NLGN1: variants seen among roughly 807,000 people sequenced by gnomAD.
NLGN1 encodes the protein neuroligin 1, also known as neuroligin-1.
A neutral mutation model predicts 65.5 loss-of-function variants in NLGN1; 12 were observed. That is an observed-to-expected ratio of 0.18 (90% confidence interval 0.12 to 0.30). NLGN1 has a LOEUF of 0.30. NLGN1 is among the 10% of genes least tolerant of loss of function. The pLI, the probability that NLGN1 is intolerant of heterozygous loss-of-function variation, is 1.00. For missense variants in NLGN1, 750 were observed against 1,007.1 expected (o/e 0.74, Z 3.46); for synonymous variants, 350 against 359.5 (o/e 0.97, Z 0.30).
intron 2 of NLGN1, among the ~76,000 whole-genome samples, chr3:173,468,472 C>T (rs1250226831): frequency 1.3e-5 from 2 of 151,984 alleles, no homozygotes; most frequent in Non-Finnish European, 2.9e-5. Flanking sequence ...TACTCTCTGG[C>T]CCATTACTAT....
intron 2 of NLGN1, among the ~76,000 whole-genome samples, chr3:173,496,085 A>G (rs964804686): frequency 6.6e-6 from 1 of 151,562 alleles, no homozygotes; most frequent in African/African-American, 2.4e-5. Context: ...GCTACCAATT[A>G]TACTTGGATT....
chr3:173,994,761 T>C (rs1036058938), intron 4 of NLGN1, among the ~76,000 whole-genome samples: 2 of 152,206 alleles, frequency 1.3e-5, no homozygotes, highest in Non-Finnish European at 2.9e-5. Flanking sequence ...ATTTTTGTTT[T>C]TAAACTTCTG....
At chr3:174,165,362 C>A (rs941873005) in intron 4 of NLGN1, among the ~76,000 whole-genome samples, 1 of 151,648 alleles carries the variant, frequency 6.6e-6, no homozygotes, top group African/African-American at 2.4e-5. Flanking sequence ...TCTTATTTTG[C>A]GGTATGTTCC....
At chr3:173,978,732 A>T (rs918658695) in intron 4 of NLGN1, among the ~76,000 whole-genome samples, 2 of 151,556 alleles carry the variant, frequency 1.3e-5, no homozygotes, top group African/African-American at 4.9e-5. Context: ...ATGGTGGCTC[A>T]TACCTGTAAT....
rs139527460 is a variant in NLGN1 at position 174,060,908 on chromosome 3, G to T, written c.647-214407G>T. ...TTTAGAATCTCTTAGCCACTTATAG[G>T]TTGGGAAATCAGGTTCTTTTCCTCT... On this transcript the variant is annotated intron_variant, in intron 4 of 6. Coordinates refer to ENST00000457714, the Ensembl canonical transcript of NLGN1. Among the ~76,000 whole-genome samples, 622 of 152,126 alleles carry T rather than the reference G, an allele frequency of 4.1e-3. 5 individuals are homozygous for T. The highest frequency in any genetic ancestry group is 0.014 in the African/African-American group (590 of 41,530).
intron 3 of NLGN1, among the ~76,000 whole-genome samples, chr3:173,731,817 G>A (rs1772906056): frequency 6.6e-6 from 1 of 151,952 alleles, no homozygotes; most frequent in Non-Finnish European, 1.5e-5. Flanking sequence ...ATGGATTTAG[G>A]TTCTTGTATT....
At chr3:174,249,374 T>C (rs1744371781) in intron 4 of NLGN1, among the ~76,000 whole-genome samples, 1 of 152,210 alleles carries the variant, frequency 6.6e-6, no homozygotes, top group Admixed American at 6.5e-5. Flanking sequence ...CTATAAGATA[T>C]GTTATGAACG....
chr3:173,614,435 C>A (rs1338102844), intron 3 of NLGN1, among the ~76,000 whole-genome samples: 1 of 152,070 alleles, frequency 6.6e-6, no homozygotes, highest in Non-Finnish European at 1.5e-5. Flanking sequence ...AGAAGAATGC[C>A]TGCAACATCC....
At position 173,879,209 on chromosome 3, in the gene NLGN1, G is replaced by A. The variant is rs143194590; in HGVS notation, c.646+71377G>A. 1.8e-4 allele frequency among the ~76,000 whole-genome samples: 28 copies of A among 151,658 alleles called. No homozygotes were observed. The East Asian group carries it at 5.2e-3, about 28-fold the overall frequency. On this transcript the variant is annotated intron_variant, in intron 4 of 6. Transcript: ENST00000457714. ...AACACACCACTACACTCCAGCCTGG[G>A]TGACAAAGTGACACTTTGTCTCAGA...
chr3:173,701,529 A>G lies in NLGN1; in HGVS notation c.493+96438A>G, dbSNP rs982664700. Among the ~76,000 whole-genome samples, 7 of 152,328 alleles carry G rather than the reference A, an allele frequency of 4.6e-5. No individual in the cohort carries two copies. In the East Asian group the frequency reaches 9.6e-4, roughly 21 times the overall value. ...CCTGCAATACTTTGATTTTAACCCA[A>G]TGAAGCTGATTTTGGACTTCTCACA... On this transcript the variant is annotated intron_variant, in intron 3 of 6. Transcript: ENST00000457714.
chr3:173,889,550 T>C (rs1424155713), intron 4 of NLGN1, among the ~76,000 whole-genome samples: 1 of 152,170 alleles, frequency 6.6e-6, no homozygotes, highest in East Asian at 1.9e-4. Context: ...AATCCCGTTG[T>C]CAAGAAGTAA....
intron 3 of NLGN1, among the ~76,000 whole-genome samples, chr3:173,742,638 A>G (rs1256516990): frequency 6.6e-6 from 1 of 152,106 alleles, no homozygotes; most frequent in Non-Finnish European, 1.5e-5. Flanking sequence ...GTTTTTGGTC[A>G]TTTAAGAAAA....
chr3:174,248,893 A>C (rs896557132), intron 4 of NLGN1, among the ~76,000 whole-genome samples: 3 of 152,246 alleles, frequency 2.0e-5, no homozygotes, highest in Non-Finnish European at 4.4e-5. Context: ...TTCATATTCG[A>C]GTTTTTTAAT....
At chr3:173,690,777 A>G (rs1288026062) in intron 3 of NLGN1, among the ~76,000 whole-genome samples, 4 of 152,204 alleles carry the variant, frequency 2.6e-5, no homozygotes, top group Admixed American at 6.5e-5. Context: ...TTAAAAAGAT[A>G]AAAAGTGCAA....
At chr3:174,203,124 GATT>G (rs1475113061) in intron 4 of NLGN1, among the ~76,000 whole-genome samples, 1 of 152,114 alleles carries the variant, frequency 6.6e-6, no homozygotes, top group East Asian at 1.9e-4. Context: ...CTCCTCCTAT[GATT>G]ATGAGAGTTC....
exon 5 of NLGN1, chr3:174,275,465 G>C (rs112128958): frequency 2.5e-6 from 4 of 1,612,494 alleles, no homozygotes; most frequent in Non-Finnish European, 3.4e-6. Flanking sequence ...GGGGGTTCAT[G>C]TGTCAACCTG....
chr3:173,723,985 A>G (rs2150018819), intron 3 of NLGN1, among the ~76,000 whole-genome samples: 1 of 152,310 alleles, frequency 6.6e-6, no homozygotes. Flanking sequence ...TAGGAGAAAG[A>G]AGTCAGAATA....
intron 2 of NLGN1, among the ~76,000 whole-genome samples, chr3:173,476,783 A>C (rs371006565): frequency 5.9e-5 from 9 of 152,308 alleles, no homozygotes; most frequent in African/African-American, 9.6e-5. Context: ...TAGATAATAG[A>C]TAATAGAACA....
At chr3:173,972,234 C>T (rs556929951) in intron 4 of NLGN1, among the ~76,000 whole-genome samples, 2 of 152,054 alleles carry the variant, frequency 1.3e-5, no homozygotes, top group Non-Finnish European at 2.9e-5. Flanking sequence ...CTGCCTGCAG[C>T]GGGAGAAGCT....
Sources: allele counts gnomAD v4.1 joint callset (sites outside exome capture counted in the v4.1 genomes callset), GRCh38; gene constraint gnomAD v4.1.1; transcripts MANE v1.5; gene names NCBI Gene and HGNC (gene_info 2026-07-23, HGNC 2026-07-21).